TMEM59: variants seen among roughly 807,000 people sequenced by gnomAD.
TMEM59 encodes the protein transmembrane protein 59.
In TMEM59, 44 loss-of-function variants were observed where a neutral mutation model predicts 42.2. That is an observed-to-expected ratio of 1.04 (90% CI 0.82 to 1.34). The LOEUF is 1.34. Ranked by LOEUF, TMEM59 falls within the 40% of genes most tolerant of loss-of-function variation. The probability of loss-of-function intolerance (pLI) is 0.00; values close to 1 mark genes in which losing one functional copy is unlikely to be tolerated. For missense variants in TMEM59, 359 were observed against 382.8 expected (o/e 0.94, Z 0.52); for synonymous variants, 148 against 145.8 (o/e 1.02, Z -0.11).
At chr1:54,036,026 G>A (rs769775641) in intron 7 of TMEM59, among the ~76,000 whole-genome samples, 3 of 152,214 alleles carry the variant, frequency 2.0e-5, no homozygotes, top group Non-Finnish European at 1.5e-5. Context: ...GCTCACGCCT[G>A]TAATCCCAAC....
At chr1:54,037,012 G>A (rs1656975890) in intron 6 of TMEM59, among the ~76,000 whole-genome samples, 1 of 152,164 alleles carries the variant, frequency 6.6e-6, no homozygotes, top group South Asian at 2.1e-4. Flanking sequence ...TATAAGGCAA[G>A]TGAAAGTGTC....
intron 6 of TMEM59, among the ~76,000 whole-genome samples, chr1:54,040,436 AGCCACTGTGCCCG>A (rs1657101280): frequency 2.0e-5 from 3 of 152,204 alleles, no homozygotes; most frequent in Non-Finnish European, 2.9e-5. Flanking sequence ...TACAGGCATG[AGCCACTGTGCCCG>A]GCCTCAGACA....
At chr1:54,040,871 C>CTA (rs1557676401) in intron 5 of TMEM59, 34 bp from the exon 6 acceptor site, 1 of 1,554,632 alleles carries the variant, frequency 6.4e-7, no homozygotes, top group East Asian at 2.3e-5. Context: ...TTATTATATC[C>CTA]TATATTCCAA....
intron 3 of TMEM59, among the ~76,000 whole-genome samples, chr1:54,045,259 C>A (rs1657291233): frequency 6.6e-6 from 1 of 152,012 alleles, no homozygotes; most frequent in South Asian, 2.1e-4. Context: ...AATCTGGACA[C>A]AGCAAAGGAT....
intron 2 of TMEM59, among the ~76,000 whole-genome samples, chr1:54,046,594 A>G (rs925890862): frequency 1.3e-5 from 2 of 152,228 alleles, no homozygotes; most frequent in African/African-American, 4.8e-5. Context: ...TAGGAGACTA[A>G]GCCGCAAAAA....
intron 3 of TMEM59, 187 bp from the exon 4 acceptor site, chr1:54,043,712 C>T (rs1326387747): frequency 7.5e-6 from 2 of 267,036 alleles, no homozygotes; most frequent in Non-Finnish European, 1.3e-5. Flanking sequence ...GCTTAAAAAC[C>T]AAGGATACTT....
chr1:54,037,325 T>G (rs2100305290), intron 6 of TMEM59, among the ~76,000 whole-genome samples: 1 of 152,330 alleles, frequency 6.6e-6, no homozygotes, highest in East Asian at 1.9e-4. Context: ...TCCTTATAAT[T>G]AAAATATCTT....
intron 6 of TMEM59, 104 bp from the exon 7 acceptor site, chr1:54,036,822 C>T (rs1656970043): frequency 1.6e-6 from 1 of 638,326 alleles, no homozygotes; most frequent in African/African-American, 1.9e-5. Flanking sequence ...ACAATTAAAA[C>T]TTTGTTGGTT....
rs1443773564 is a variant in TMEM59 at position 54,029,019 on chromosome 1, T to A, written c.*3131A>T. 6.6e-6 allele frequency: 1 copy of A among 152,210 alleles called. No individual in the cohort carries two copies. Among genetic ancestry groups the A allele is most frequent in the Non-Finnish European group, 1.5e-5 (1 of 68,030 alleles). The allele number at this position is 152,210 out of a possible 1,614,324, so 9.4% of individuals were successfully genotyped here. A position where few individuals can be genotyped will look rare whatever the true frequency, so the allele number is the denominator to read the frequency against. ...ATATTTGAGTCCACAAAAATTATAA[T>A]GGAACTACTGTATATCTTTAAAAAA... On this transcript the variant is annotated 3_prime_UTR_variant, in exon 8 of 8. Transcript: ENST00000234831.
chr1:54,036,683 A>T lies in TMEM59; in HGVS notation c.743T>A (p.Leu248His). The T allele has an allele frequency of 6.2e-7, 1 of 1,610,942 alleles. No individual in the cohort carries two copies. Among genetic ancestry groups the T allele is most frequent in the Non-Finnish European group, 8.5e-7 (1 of 1,178,560 alleles). ...AATCCAAAGCAATACCATCACCGAG[A>T]GGACAAGAGTTGTAGTTAAAATCCA... is the stretch of plus-strand genomic sequence containing the variant. The part of the protein sequence containing the change: ...SGWILTTTLV[L>H]SVMVLLWICC... The change falls in exon 7 of 8, where the codon CTC becomes CAC. Residue 248 changes from leucine to histidine, a missense_variant. Leu to His is a moderately conservative substitution (Grantham distance 99, BLOSUM62 -3). Coordinates refer to ENST00000234831, the MANE Select transcript of TMEM59 (RefSeq NM_004872.5).
At chr1:54,048,051 C>G (rs1161924081) in intron 1 of TMEM59, 1 of 152,254 alleles carries the variant, frequency 6.6e-6, no homozygotes, top group Non-Finnish European at 1.5e-5. Flanking sequence ...ACCCTAGGAC[C>G]AATGGCATAC....
intron 1 of TMEM59, among the ~76,000 whole-genome samples, chr1:54,051,139 G>C (rs1289102741): frequency 6.6e-6 from 1 of 152,176 alleles, no homozygotes; most frequent in African/African-American, 2.4e-5. Context: ...ACAAGCGTGA[G>C]CCATCGCACC....
chr1:54,039,235 C>T (rs933534999), intron 6 of TMEM59, among the ~76,000 whole-genome samples: 5 of 152,134 alleles, frequency 3.3e-5, no homozygotes, highest in Admixed American at 1.3e-4. Context: ...TCTATAAATA[C>T]ATTATAAAGT....
At chr1:54,040,510 AAATCAAGAG>A (rs1358925505) in intron 6 of TMEM59, among the ~76,000 whole-genome samples, 1 of 152,236 alleles carries the variant, frequency 6.6e-6, no homozygotes, top group African/African-American at 2.4e-5. Flanking sequence ...CATTCAACAT[AAATCAAGAG>A]ATTCTAACAA....
chr1:54,035,238 G>T lies in TMEM59; in HGVS notation c.816+1372C>A, dbSNP rs542029832. 5.9e-5 allele frequency among the ~76,000 whole-genome samples: 9 copies of T among 151,950 alleles called. No homozygotes were observed. The South Asian group carries it at 1.2e-3, about 21-fold the overall frequency. On this transcript the variant is annotated intron_variant, in intron 7 of 7. Transcript: ENST00000234831. ...AATCATATATTTAAACATCTTTATA[G>T]TCTATTAGGATAAGACAGTTGTTCA...
At chr1:54,041,410 T>C (rs1024932860) in intron 5 of TMEM59, among the ~76,000 whole-genome samples, 1 of 152,238 alleles carries the variant, frequency 6.6e-6, no homozygotes, top group African/African-American at 2.4e-5. Context: ...TGAAGCAAAC[T>C]AAATGTTTTT....
Position 54,029,651 on chromosome 1 carries a change from T to G in TMEM59, c.*2499A>C, listed in dbSNP as rs1656704248. 1.3e-5 allele frequency: 2 copies of G among 152,174 alleles called. No individual in the cohort carries two copies. Among genetic ancestry groups the G allele is most frequent in the Non-Finnish European group, 2.9e-5 (2 of 68,026 alleles). 9.4% of individuals were successfully genotyped at this position (152,174 alleles called of 1,614,324 possible). ...CGGAAACATTTTTATGCTGTATATA[T>G]TTTGGGGATTTTTTTTCAAAAGTAA... On this transcript the variant is annotated 3_prime_UTR_variant, in exon 8 of 8. Transcript: ENST00000234831.
intron 1 of TMEM59, among the ~76,000 whole-genome samples, chr1:54,049,423 A>G (rs1473930664): frequency 6.6e-6 from 1 of 152,226 alleles, no homozygotes; most frequent in South Asian, 2.1e-4. Context: ...TGTGCCAGGC[A>G]CTGTATTAAG....
rs865818867 is a variant in TMEM59 at position 54,043,281 on chromosome 1, A to G, written c.543+92T>C. 1.3e-5 allele frequency: 14 copies of G among 1,109,534 alleles called. No homozygotes were observed. The Middle Eastern group carries it at 3.2e-3, about 250-fold the overall frequency. 68.7% of individuals were successfully genotyped at this position (1,109,534 alleles called of 1,614,324 possible). A position where few individuals can be genotyped will look rare whatever the true frequency, so the allele number is the denominator to read the frequency against. ...ATTTGATGATAAATATTTGTAAGTG[A>G]CTGAGTATGGTTCTATGCTGAAACA... On this transcript the variant is annotated intron_variant, in intron 4 of 7. Transcript: ENST00000234831.
Sources: allele counts gnomAD v4.1 joint callset (sites outside exome capture counted in the v4.1 genomes callset), GRCh38; gene constraint gnomAD v4.1.1; transcripts MANE v1.5; gene names NCBI Gene and HGNC (gene_info 2026-07-23, HGNC 2026-07-21).